The following STT3B variants were observed in gnomAD, a reference collection of about 807,000 sequenced individuals.
STT3B encodes the protein dolichyl-diphosphooligosaccharide--protein glycosyltransferase subunit STT3B.
Under a neutral mutation model 96.8 loss-of-function variants are expected in STT3B, and 29 were observed. The ratio of observed to expected loss-of-function variants is 0.30; its 90% CI spans 0.22 to 0.41. STT3B has a LOEUF of 0.41. Ranked by LOEUF, STT3B falls within the 10% of genes least tolerant of loss-of-function variation. STT3B has a pLI of 1.00. For missense variants in STT3B, 640 were observed against 1,022.3 expected, an observed-to-expected ratio of 0.63 and a Z score of 5.10; for synonymous variants, 367 against 360.0, an observed-to-expected ratio of 1.02 and a Z score of -0.22.
chr3:31,544,401 G>A (rs1305798820), intron 1 of STT3B, among the ~76,000 whole-genome samples: 1 of 152,164 alleles, frequency 6.6e-6, no homozygotes, highest in Non-Finnish European at 1.5e-5. Context: ...GAATATTGTA[G>A]ATATTGTGGG....
intron 1 of STT3B, among the ~76,000 whole-genome samples, chr3:31,563,814 G>GT (rs958353431): frequency 1.2e-3 from 181 of 151,920 alleles, no homozygotes; most frequent in African/African-American, 3.7e-3. Context: ...TTATTCAGAC[G>GT]TTTTTTTTGA....
At chr3:31,576,629 A>G (rs922371465) in intron 2 of STT3B, 125 bp downstream of exon 2, 8 of 505,904 alleles carry the variant, frequency 1.6e-5, no homozygotes, top group Admixed American at 4.1e-5. Flanking sequence ...TCTGTGGCTT[A>G]TTATCCAGTA....
chr3:31,536,551 A>G (rs752958008), intron 1 of STT3B, among the ~76,000 whole-genome samples: 18 of 152,198 alleles, frequency 1.2e-4, no homozygotes, highest in Non-Finnish European at 2.2e-4. Context: ...AAATTGTGTA[A>G]AAGACTCAAG....
chr3:31,573,629 T>A lies in STT3B; in HGVS notation c.315-2767T>A, dbSNP rs968218597. Among the ~76,000 whole-genome samples, 4 of 151,986 alleles carry A rather than the reference T, an allele frequency of 2.6e-5. 1 individual carries two copies. The highest frequency in any genetic ancestry group is 1.9e-4 in the East Asian group (1 of 5,176). On this transcript the variant is annotated intron_variant, in intron 1 of 15. Transcript: ENST00000295770. Reference sequence around the variant, plus strand: ...ATAGTGCATATGTTTGTTTTGGGAGTGGATGGTAGGTGTCTGATCAGGAGT... The same window carrying A: ...ATAGTGCATATGTTTGTTTTGGGAGAGGATGGTAGGTGTCTGATCAGGAGT...
At chr3:31,535,232 AT>A (rs1227109430) in intron 1 of STT3B, among the ~76,000 whole-genome samples, 6 of 152,146 alleles carry the variant, frequency 3.9e-5, no homozygotes, top group Non-Finnish European at 8.8e-5. Context: ...AGAAATCTGC[AT>A]CAAGTCAGCC....
At chr3:31,562,473 G>GT (rs749318585) in intron 1 of STT3B, among the ~76,000 whole-genome samples, 2 of 152,290 alleles carry the variant, frequency 1.3e-5, no homozygotes, top group South Asian at 2.1e-4. Context: ...ACTTGCTTTG[G>GT]TGGGGGTATG....
At chr3:31,539,660 T>A (rs1697207572) in intron 1 of STT3B, among the ~76,000 whole-genome samples, 1 of 152,158 alleles carries the variant, frequency 6.6e-6, no homozygotes, top group Non-Finnish European at 1.5e-5. Flanking sequence ...AGTTGGATAA[T>A]AGCTGATTAC....
At chr3:31,583,017 C>T (rs572234910) in intron 3 of STT3B, among the ~76,000 whole-genome samples, 3 of 152,060 alleles carry the variant, frequency 2.0e-5, no homozygotes, top group African/African-American at 4.8e-5. Flanking sequence ...TGTATGCTGT[C>T]GTTATTCAAT....
chr3:31,602,245 A>G (rs1008882305), intron 5 of STT3B, among the ~76,000 whole-genome samples: 13 of 152,150 alleles, frequency 8.5e-5, no homozygotes, highest in African/African-American at 3.1e-4. Context: ...CTCTACCCCA[A>G]AAACACTATA....
chr3:31,623,559 C>T (rs779515133), intron 10 of STT3B, 115 bp from the exon 11 acceptor site: 24 of 759,312 alleles, frequency 3.2e-5, no homozygotes, highest in Non-Finnish European at 4.3e-5. Flanking sequence ...TATACATTTT[C>T]TGAGTCATAG....
At chr3:31,538,907 G>C (rs945134637) in intron 1 of STT3B, among the ~76,000 whole-genome samples, 1 of 152,040 alleles carries the variant, frequency 6.6e-6, no homozygotes, top group African/African-American at 2.4e-5. Context: ...TGGGAATTTA[G>C]AAATTGATAG....
intron 1 of STT3B, among the ~76,000 whole-genome samples, chr3:31,548,557 G>C (rs1297610576): frequency 6.6e-6 from 1 of 152,102 alleles, no homozygotes; most frequent in Non-Finnish European, 1.5e-5. Context: ...AGAAATTTAA[G>C]TTATTTTAAA....
intron 3 of STT3B, among the ~76,000 whole-genome samples, chr3:31,591,665 G>A (rs1156850526): frequency 6.6e-6 from 1 of 151,818 alleles, no homozygotes; most frequent in Non-Finnish European, 1.5e-5. Flanking sequence ...CCTCTCCTCT[G>A]TGCTGTTATT....
intron 2 of STT3B, among the ~76,000 whole-genome samples, chr3:31,577,324 A>G (rs1465656066): frequency 2.0e-5 from 3 of 152,072 alleles, no homozygotes; most frequent in Admixed American, 6.6e-5. Flanking sequence ...TTTTAAGCCT[A>G]GAAACTACAC....
At chr3:31,588,011 C>G (rs537985286) in intron 3 of STT3B, among the ~76,000 whole-genome samples, 1 of 152,246 alleles carries the variant, frequency 6.6e-6, no homozygotes, top group African/African-American at 2.4e-5. Context: ...GACTTTAGCT[C>G]TCTGATAAGC....
At chr3:31,545,676 T>G (rs144778707) in intron 1 of STT3B, among the ~76,000 whole-genome samples, 305 of 152,200 alleles carry the variant, frequency 2.0e-3, no homozygotes, top group African/African-American at 6.8e-3. Flanking sequence ...GAATTTTGTT[T>G]AACGTTTCCA....
chr3:31,558,434 C>T (rs1697775528), intron 1 of STT3B, among the ~76,000 whole-genome samples: 1 of 152,098 alleles, frequency 6.6e-6, no homozygotes, highest in Admixed American at 6.5e-5. Flanking sequence ...AATGTTTTCT[C>T]CTTATTGAGA....
intron 1 of STT3B, among the ~76,000 whole-genome samples, chr3:31,571,584 A>G (rs1464779014): frequency 6.6e-6 from 1 of 152,108 alleles, no homozygotes; most frequent in Non-Finnish European, 1.5e-5. Flanking sequence ...CATGGCAGCC[A>G]ACACATAGAT....
At chr3:31,603,668 A>G (rs1280928233) in intron 5 of STT3B, among the ~76,000 whole-genome samples, 4 of 152,142 alleles carry the variant, frequency 2.6e-5, no homozygotes, top group Non-Finnish European at 4.4e-5. Flanking sequence ...CTTTGTGTTC[A>G]TGTCATAAGG....
Sources: allele counts gnomAD v4.1 joint callset (sites outside exome capture counted in the v4.1 genomes callset), GRCh38; gene constraint gnomAD v4.1.1; transcripts MANE v1.5; gene names NCBI Gene and HGNC (gene_info 2026-07-23, HGNC 2026-07-21).